FBXL17: variants seen among roughly 807,000 people sequenced by gnomAD.
The protein encoded by FBXL17 is F-box/LRR-repeat protein 17.
Under a neutral mutation model 66.2 loss-of-function variants are expected in FBXL17, and 22 were observed. The ratio of observed to expected loss-of-function variants is 0.33; its 90% CI spans 0.24 to 0.47. The LOEUF (loss-of-function observed/expected upper bound fraction) is 0.47. Among genes scored for constraint, FBXL17 ranks in the 20% least tolerant of loss-of-function variants. The pLI, the probability that FBXL17 is intolerant of heterozygous loss-of-function variation, is 1.00. For synonymous variants in FBXL17, 474 were observed against 400.5 expected, an observed-to-expected ratio of 1.18 and a Z score of -2.19; for missense variants, 878 against 948.2, an observed-to-expected ratio of 0.93 and a Z score of 0.97.
At chr5:108,298,811 C>T (rs1394987878) in intron 4 of FBXL17, 9 of 857,138 alleles carry the variant, frequency 1.1e-5, no homozygotes, top group Non-Finnish European at 1.3e-5. Context: ...TACATATTTT[C>T]AAAATAAAAC....
intron 7 of FBXL17, among the ~76,000 whole-genome samples, chr5:107,984,533 TGCTATA>T (rs1288759984): frequency 6.6e-6 from 1 of 152,144 alleles, no homozygotes; most frequent in East Asian, 1.9e-4. Flanking sequence ...GGTACCTACT[TGCTATA>T]GCATACACAG....
intron 6 of FBXL17, among the ~76,000 whole-genome samples, chr5:108,174,647 T>C (rs971055636): frequency 2.0e-5 from 3 of 148,436 alleles, no homozygotes; most frequent in African/African-American, 7.5e-5. Context: ...AAACACTAAA[T>C]ATACATTTGA....
At chr5:108,216,910 G>A (rs1303937183) in intron 5 of FBXL17, among the ~76,000 whole-genome samples, 1 of 152,168 alleles carries the variant, frequency 6.6e-6, no homozygotes, top group Non-Finnish European at 1.5e-5. Flanking sequence ...AGGGAACAAG[G>A]CCAGGCACAG....
intron 4 of FBXL17, among the ~76,000 whole-genome samples, chr5:108,280,925 GA>G (rs1580737826): frequency 6.6e-6 from 1 of 151,738 alleles, no homozygotes; most frequent in East Asian, 1.9e-4. Context: ...GAGAAAGAGA[GA>G]GGGGGGATAT....
At chr5:108,081,107 G>C (rs557786215) in intron 6 of FBXL17, among the ~76,000 whole-genome samples, 34 of 152,082 alleles carry the variant, frequency 2.2e-4, no homozygotes, top group Non-Finnish European at 4.4e-4. Flanking sequence ...CTCTACACTA[G>C]AGTCAGTTTG....
At position 108,137,007 on chromosome 5, in the gene FBXL17, A is replaced by C. The variant is rs113823727; in HGVS notation, c.1745+49110T>G. Among the ~76,000 whole-genome samples, 714 of 152,294 alleles carry C rather than the reference A, an allele frequency of 4.7e-3. 9 individuals carry two copies. Among genetic ancestry groups the C allele is most frequent in the African/African-American group, 0.017 (694 of 41,554 alleles). On this transcript the variant is annotated intron_variant, in intron 6 of 8. Transcript: ENST00000542267. ...AAACTCATTTTGATGATTAGATAAC[A>C]TCATCCAATCTTTCAAAGGGTAATA...
chr5:108,180,474 C>A (rs1033887167), intron 6 of FBXL17, among the ~76,000 whole-genome samples: 10 of 151,654 alleles, frequency 6.6e-5, no homozygotes, highest in Admixed American at 3.9e-4. Flanking sequence ...CCACTGCACT[C>A]CAGCCTGGGC....
At chr5:108,143,145 T>C (rs1244318789) in intron 6 of FBXL17, among the ~76,000 whole-genome samples, 1 of 151,532 alleles carries the variant, frequency 6.6e-6, no homozygotes, top group Admixed American at 6.6e-5. Context: ...CGACCCCGAG[T>C]CCACGGAAGA....
At chr5:108,333,704 C>T (rs568745093) in intron 4 of FBXL17, among the ~76,000 whole-genome samples, 17 of 152,186 alleles carry the variant, frequency 1.1e-4, no homozygotes, top group Non-Finnish European at 1.8e-4. Context: ...ACTTCAGTCA[C>T]ATACTCTAAA....
intron 3 of FBXL17, among the ~76,000 whole-genome samples, chr5:108,352,486 T>C (rs527959716): frequency 8.5e-5 from 13 of 152,306 alleles, no homozygotes; most frequent in East Asian, 3.9e-4. Flanking sequence ...CTAAAAACCA[T>C]AGAAATAGAA....
At chr5:108,139,315 A>T (rs1305924438) in intron 6 of FBXL17, among the ~76,000 whole-genome samples, 4 of 152,228 alleles carry the variant, frequency 2.6e-5, no homozygotes, top group Admixed American at 2.6e-4. Flanking sequence ...AATTTTAGAA[A>T]TCACAAAATA....
intron 5 of FBXL17, among the ~76,000 whole-genome samples, chr5:108,189,374 A>AT (rs5870305): frequency 0.69 from 100,506 of 144,966 alleles, 35,736 homozygotes; most frequent in East Asian, 0.93. Flanking sequence ...GACAATGGTA[A>AT]GAAAAAAAGC....
intron 8 of FBXL17, among the ~76,000 whole-genome samples, chr5:107,875,960 C>T (rs997554690): frequency 2.0e-5 from 3 of 152,220 alleles, no homozygotes; most frequent in South Asian, 2.1e-4. Flanking sequence ...GGGCTCTTCA[C>T]GCCTGTGTAA....
In FBXL17 at chr5:108,225,753, C is replaced by T. The variant is rs543411425; in HGVS notation, c.1507-1525G>A. ...AGCAAGCTAATACACACATTTTCCA[C>T]TCTCTCTTGATCTCATAGTAATCAA... On this transcript the variant is annotated intron_variant, in intron 4 of 8. Coordinates refer to ENST00000542267, the MANE Select transcript of FBXL17 (RefSeq NM_001163315.3). Among the ~76,000 whole-genome samples, 7 of 152,306 alleles carry T rather than the reference C, an allele frequency of 4.6e-5. No individual in the cohort carries two copies. In the East Asian group the frequency reaches 1.3e-3, roughly 29 times the overall value.
At chr5:108,295,768 C>G (rs935477468) in intron 4 of FBXL17, among the ~76,000 whole-genome samples, 79 of 151,930 alleles carry the variant, frequency 5.2e-4, no homozygotes, top group African/African-American at 1.9e-3. Context: ...TGGCCTGTGC[C>G]TCAGGTCTCA....
At chr5:108,271,100 G>C (rs1281344231) in intron 4 of FBXL17, among the ~76,000 whole-genome samples, 2 of 144,682 alleles carry the variant, frequency 1.4e-5, no homozygotes, top group Admixed American at 1.4e-4. Flanking sequence ...AAAAAAAAAA[G>C]AAATAGCAAC....
chr5:108,210,961 T>A (rs1296523004), intron 5 of FBXL17, among the ~76,000 whole-genome samples: 5 of 152,132 alleles, frequency 3.3e-5, no homozygotes, highest in Non-Finnish European at 7.4e-5. Flanking sequence ...TCCTTGTAGG[T>A]CTCTAAGACT....
chr5:108,145,821 C>CAATAAT (rs139233106), intron 6 of FBXL17, among the ~76,000 whole-genome samples: 10,080 of 146,096 alleles, frequency 0.069, 809 homozygotes, highest in African/African-American at 0.19. Context: ...GTTGCCTAAA[C>CAATAAT]AATAATAATA....
intron 6 of FBXL17, among the ~76,000 whole-genome samples, chr5:108,130,462 G>A (rs975438329): frequency 1.3e-5 from 2 of 151,870 alleles, no homozygotes; most frequent in Non-Finnish European, 2.9e-5. Flanking sequence ...TAAGATGTCA[G>A]GGGCTGTTAT....
Sources: allele counts gnomAD v4.1 joint callset (sites outside exome capture counted in the v4.1 genomes callset), GRCh38; gene constraint gnomAD v4.1.1; transcripts MANE v1.5; gene names NCBI Gene and HGNC (gene_info 2026-07-23, HGNC 2026-07-21).